LRPAP1: variants seen among roughly 807,000 people sequenced by gnomAD.
LRPAP1 encodes alpha-2-macroglobulin receptor-associated protein.
LRPAP1 carries 41 observed loss-of-function variants against 39.9 expected under a neutral mutation model. That is an observed-to-expected ratio of 1.03 (90% CI 0.80 to 1.33). The LOEUF (loss-of-function observed/expected upper bound fraction) is 1.33, where lower values mean the gene tolerates loss of function less well. Among genes scored for constraint, LRPAP1 ranks in the 40% most tolerant of loss-of-function variants. The pLI, the probability that LRPAP1 is intolerant of heterozygous loss-of-function variation, is 0.00. For missense variants in LRPAP1, 565 were observed against 482.3 expected (o/e 1.17, Z -1.61); for synonymous variants, 263 against 212.7 (o/e 1.24, Z -2.06).
Position 3,505,228 on chromosome 4 carries a change from C to T in LRPAP1, c.*7746G>A, listed in dbSNP as rs1729317389. 6.6e-6 allele frequency among the ~76,000 whole-genome samples: 1 copy of T among 152,208 alleles called. No homozygotes were observed. The highest frequency in any genetic ancestry group is 2.4e-5 in the African/African-American group (1 of 41,438). On this transcript the variant is annotated 3_prime_UTR_variant, in exon 8 of 8. Transcript: ENST00000650182. The stretch of plus-strand genomic sequence containing the variant: ...CCCAGCTCGAGGCTGCTCTTCAGCC[C>T]CAGCCCCTGGTGTCCCGCAGCGGCT...
intron 2 of LRPAP1, among the ~76,000 whole-genome samples, chr4:3,522,068 G>C (rs1175981388): frequency 6.6e-6 from 1 of 152,240 alleles, no homozygotes; most frequent in Non-Finnish European, 1.5e-5. Flanking sequence ...TTTTAAAAAA[G>C]TGGCCTGGAT....
chr4:3,517,410 C>A (rs1220404851), intron 5 of LRPAP1, among the ~76,000 whole-genome samples: 1 of 152,248 alleles, frequency 6.6e-6, no homozygotes, highest in Non-Finnish European at 1.5e-5. Flanking sequence ...TAGAGCAGTG[C>A]CTGGCGTGCA....
intron 5 of LRPAP1, 107 bp from the exon 6 acceptor site, chr4:3,516,305 GCGCGAC>G: frequency 1.2e-6 from 1 of 812,154 alleles, no homozygotes; most frequent in Admixed American, 2.2e-5. Context: ...GGGTTTGCAG[GCGCGAC>G]CTGCATGTGT....
intron 7 of LRPAP1, 98 bp from the exon 8 acceptor site, chr4:3,513,134 A>C: frequency 1.1e-6 from 1 of 891,190 alleles, no homozygotes; most frequent in Non-Finnish European, 1.8e-6. Context: ...CCAAAAGGAA[A>C]AGGCGCAAGC....
Position 3,511,871 on chromosome 4 carries a change from C to T in LRPAP1, c.*1103G>A, listed in dbSNP as rs973883176. On this transcript the variant is annotated 3_prime_UTR_variant, in exon 8 of 8. Coordinates refer to ENST00000650182, the MANE Select transcript of LRPAP1 (RefSeq NM_002337.4). ...GCCGGACCCGAGCCTCTTCCAGGCT[C>T]AGACACGGGAAGGGAACCACGCTCG... 3.0e-5 allele frequency: 4 copies of T among 135,198 alleles called. No homozygotes were observed. The highest frequency in any genetic ancestry group is 2.2e-4 in the Admixed American group (3 of 13,612). The allele number at this position is 135,198 out of a possible 1,614,324, so 8.4% of individuals were successfully genotyped here. A position where few individuals can be genotyped will look rare whatever the true frequency, so the allele number is the denominator to read the frequency against.
chr4:3,517,663 G>C (rs1308986979), intron 5 of LRPAP1: 2 of 170,316 alleles, frequency 1.2e-5, no homozygotes, highest in African/African-American at 2.4e-5. Flanking sequence ...ACTGATGGAC[G>C]GTGTGGGTGG....
chr4:3,509,181 A>G lies in LRPAP1; in HGVS notation c.*3793T>C, dbSNP rs192641295. ...TTGGGAGAAGTTGAAGATGAACTCAATACCTGGAGTCATACATGGCAGTCA... is the reference window on the plus strand; with the variant it reads ...TTGGGAGAAGTTGAAGATGAACTCAGTACCTGGAGTCATACATGGCAGTCA... On this transcript the variant is annotated 3_prime_UTR_variant, in exon 8 of 8. Coordinates refer to ENST00000650182, the MANE Select transcript of LRPAP1 (RefSeq NM_002337.4). 5.2e-5 allele frequency: 8 copies of G among 152,442 alleles called. No individual in the cohort carries two copies. The highest frequency in any genetic ancestry group is 3.9e-4 in the Admixed American group (6 of 15,304). 9.4% of individuals were successfully genotyped at this position (152,442 alleles called of 1,614,324 possible).
At chr4:3,528,999 A>G (rs1264374099) in intron 1 of LRPAP1, among the ~76,000 whole-genome samples, 1 of 152,106 alleles carries the variant, frequency 6.6e-6, no homozygotes, top group Non-Finnish European at 1.5e-5. Context: ...ACACACTCTC[A>G]TTGCAGTCAC....
rs533974118 is a variant in LRPAP1 at position 3,505,189 on chromosome 4, C to T, written c.*7785G>A. 4.6e-4 allele frequency among the ~76,000 whole-genome samples: 70 copies of T among 152,200 alleles called. 3 individuals carry two copies. The highest frequency in any genetic ancestry group is 3.5e-4 in the Non-Finnish European group (24 of 68,042). On this transcript the variant is annotated 3_prime_UTR_variant, in exon 8 of 8. Transcript: ENST00000650182. ...CACGGACACGAGGAAGAAGGGCGAC[C>T]GTGTCCTGGACAGCCCAGCTCGAGG...
chr4:3,522,209 AGGAGAGGG>A (rs981266871), intron 2 of LRPAP1, among the ~76,000 whole-genome samples: 12 of 152,108 alleles, frequency 7.9e-5, no homozygotes, highest in Non-Finnish European at 1.3e-4. Context: ...GCCCGAGAGG[AGGAGAGGG>A]GGAGACGGGG....
chr4:3,525,636 A>G (rs954041820), intron 1 of LRPAP1, among the ~76,000 whole-genome samples: 3 of 152,104 alleles, frequency 2.0e-5, no homozygotes, highest in Admixed American at 2.0e-4. Flanking sequence ...CGTAGACCAC[A>G]CAGGCAGCGC....
intron 6 of LRPAP1, chr4:3,515,884 G>A: frequency 1.6e-5 from 9 of 577,056 alleles, no homozygotes; most frequent in South Asian, 1.2e-4. Flanking sequence ...ACGTGAACAC[G>A]GACAAAAGAA....
rs1426827792 is a variant in LRPAP1, at chr4:3,508,424, A to T, written c.*4550T>A. On this transcript the variant is annotated 3_prime_UTR_variant, in exon 8 of 8. Coordinates refer to ENST00000650182, the MANE Select transcript of LRPAP1 (RefSeq NM_002337.4). ...AAACAAATAATGCCAATCCTATACA[A>T]ACTATGGCAGAACTTGTTTCAGGAG... 6.6e-6 allele frequency: 1 copy of T among 152,190 alleles called. No homozygotes were observed. Among genetic ancestry groups the T allele is most frequent in the Non-Finnish European group, 1.5e-5 (1 of 68,044 alleles). 9.4% of individuals were successfully genotyped at this position (152,190 alleles called of 1,614,324 possible). A position where few individuals can be genotyped will look rare whatever the true frequency, so the allele number is the denominator to read the frequency against.
Position 3,507,211 on chromosome 4 carries a change from A to G in LRPAP1, c.*5763T>C, listed in dbSNP as rs1442366322. 1 of 152,152 alleles carries G rather than the reference A, an allele frequency of 6.6e-6. No homozygotes were observed. Among genetic ancestry groups the G allele is most frequent in the Non-Finnish European group, 1.5e-5 (1 of 68,024 alleles). The allele number at this position is 152,152 out of a possible 1,614,324, so 9.4% of individuals were successfully genotyped here. On this transcript the variant is annotated 3_prime_UTR_variant, in exon 8 of 8. Transcript: ENST00000650182. ...TGCACTCCAAGCCTGTGCGAGAAAG[A>G]TCCTGACTCAAAAAAAAAGACAAGA...
rs371827550 is a variant in LRPAP1 at position 3,519,027 on chromosome 4, C to G, written c.472-36G>C. On this transcript the variant is annotated intron_variant, in intron 3 of 7. Coordinates refer to ENST00000650182, the MANE Select transcript of LRPAP1 (RefSeq NM_002337.4). ...AACAAGGCCTGGAGTGAACCCGCCG[C>G]GGGCTCGTGTGGCCAGGGCCGCTCT... is the stretch of plus-strand genomic sequence containing the variant. The G allele has an allele frequency of 4.4e-6, 7 of 1,605,444 alleles. No homozygotes were observed. In the South Asian group the frequency reaches 7.8e-5, roughly 18 times the overall value.
chr4:3,532,289 G>C lies in LRPAP1; in HGVS notation c.124C>G (p.Pro42Ala), dbSNP rs1414351978. The change falls in exon 1 of 8, where the codon CCC (proline) becomes GCC (alanine). Residue 42 changes from proline to alanine, a missense_variant. Pro to Ala is a conservative substitution (Grantham distance 27). Transcript: ENST00000650182. ...GGKYSREKNQPKPSPKRESGE... is the reference protein window; with the variant it reads ...GGKYSREKNQAKPSPKRESGE... ...GACTCGCGTTTCGGGGACGGCTTGG[G>C]CTGGTTCTTCTCCCGCGAGTACTTG... 1 of 1,564,678 alleles carries C rather than the reference G, an allele frequency of 6.4e-7. No homozygotes were observed. The highest frequency in any genetic ancestry group is 8.7e-7 in the Non-Finnish European group (1 of 1,154,076).
At chr4:3,513,521 C>G (rs1729598714) in intron 7 of LRPAP1, among the ~76,000 whole-genome samples, 1 of 152,150 alleles carries the variant, frequency 6.6e-6, no homozygotes, top group African/African-American at 2.4e-5. Context: ...GTTGCCCAGG[C>G]TGGTCTCGAA....
intron 1 of LRPAP1, among the ~76,000 whole-genome samples, chr4:3,527,839 T>G (rs537790889): frequency 1.1e-4 from 16 of 152,206 alleles, no homozygotes; most frequent in Non-Finnish European, 1.9e-4. Flanking sequence ...CCTCACTGGC[T>G]TCCTGTCTGC....
rs961273282 is a variant in LRPAP1, at chr4:3,504,195, G to C, written c.*8779C>G. 2.0e-5 allele frequency: 3 copies of C among 152,338 alleles called. No individual in the cohort carries two copies. The highest frequency in any genetic ancestry group is 4.8e-5 in the African/African-American group (2 of 41,466). The allele number at this position is 152,338 out of a possible 1,614,324, so 9.4% of individuals were successfully genotyped here. ...CTGGCCTGCGGCCCTTCAGGGGTCA[G>C]CATGACTTGTGTGGGTCAGAAAGCC... On this transcript the variant is annotated 3_prime_UTR_variant, in exon 8 of 8. Transcript: ENST00000650182.
Sources: gnomAD v4.1 joint callset for allele counts (sites outside exome capture counted in the v4.1 genomes callset) on GRCh38, gnomAD v4.1.1 for gene constraint, MANE v1.5 for transcripts, NCBI Gene and HGNC (gene_info 2026-07-23, HGNC 2026-07-21) for gene names.